The following RALYL variants were observed in gnomAD, a reference collection of about 807,000 sequenced individuals.
RALYL encodes the protein RALY RNA binding protein like.
A neutral mutation model predicts 35.1 loss-of-function variants in RALYL; 29 were observed. That is an observed-to-expected ratio of 0.83 (90% CI 0.61 to 1.13). RALYL has a LOEUF of 1.13. RALYL is among the 50% of genes most tolerant of loss of function. RALYL has a pLI of 0.00. For missense variants in RALYL, 359 were observed against 360.4 expected, an observed-to-expected ratio of 1.00 and a Z score of 0.03; for synonymous variants, 120 against 127.6, an observed-to-expected ratio of 0.94 and a Z score of 0.40.
chr8:84,635,629 G>A (rs1054384816), intron 2 of RALYL, among the ~76,000 whole-genome samples: 1 of 151,762 alleles, frequency 6.6e-6, no homozygotes, highest in Non-Finnish European at 1.5e-5. Context: ...TTCATATGAA[G>A]TGAAATTATG....
chr8:84,273,280 A>G (rs1055722215), intron 1 of RALYL, among the ~76,000 whole-genome samples: 2 of 152,198 alleles, frequency 1.3e-5, no homozygotes, highest in African/African-American at 4.8e-5. Flanking sequence ...TCAACTGCCA[A>G]GCTCACCCAT....
At position 84,202,114 on chromosome 8, in the gene RALYL, A is replaced by G. The variant is rs186632978; in HGVS notation, c.-24+17690A>G. Among the ~76,000 whole-genome samples, 166 of 151,716 alleles carry G rather than the reference A, an allele frequency of 1.1e-3. 1 individual carries two copies. The highest frequency in any genetic ancestry group is 3.4e-3 in the Middle Eastern group (1 of 292). On this transcript the variant is annotated intron_variant, in intron 1 of 8. Transcript: ENST00000521268. ...GCTATTTTGAATAATGAGTATTTCC[A>G]TACACTTTTTGTGGTTATTTTACTG...
intron 6 of RALYL, among the ~76,000 whole-genome samples, chr8:84,863,392 G>A (rs978370032): frequency 2.6e-5 from 4 of 152,172 alleles, no homozygotes; most frequent in Non-Finnish European, 5.9e-5. Context: ...CAACAGAGCC[G>A]AGCCAGAGAG....
intron 2 of RALYL, among the ~76,000 whole-genome samples, chr8:84,735,278 C>T (rs1271997545): frequency 6.6e-6 from 1 of 151,812 alleles, no homozygotes; most frequent in Non-Finnish European, 1.5e-5. Context: ...ACAGTGTCTG[C>T]CACACTGGGC....
At chr8:84,618,438 T>C (rs1219760409) in intron 2 of RALYL, among the ~76,000 whole-genome samples, 5 of 150,866 alleles carry the variant, frequency 3.3e-5, no homozygotes, top group African/African-American at 1.2e-4. Context: ...TTGGTGGTGA[T>C]ATCCCCTTTA....
chr8:84,713,397 A>G (rs2132507283), intron 2 of RALYL, among the ~76,000 whole-genome samples: 1 of 152,182 alleles, frequency 6.6e-6, no homozygotes, highest in African/African-American at 2.4e-5. Context: ...TGAAAAATGG[A>G]CAAAGAATGT....
chr8:84,267,068 A>G (rs915702370), intron 1 of RALYL, among the ~76,000 whole-genome samples: 8 of 151,916 alleles, frequency 5.3e-5, no homozygotes, highest in African/African-American at 1.2e-4. Flanking sequence ...TGAGGACTTA[A>G]GCAGCGGATG....
At chr8:84,231,389 A>G (rs1023233619) in intron 1 of RALYL, among the ~76,000 whole-genome samples, 1 of 152,194 alleles carries the variant, frequency 6.6e-6, no homozygotes, top group Non-Finnish European at 1.5e-5. Flanking sequence ...ATTCACATTA[A>G]TCACATATAA....
At chr8:84,247,292 A>G (rs1434051806) in intron 1 of RALYL, among the ~76,000 whole-genome samples, 1 of 152,140 alleles carries the variant, frequency 6.6e-6, no homozygotes, top group African/African-American at 2.4e-5. Context: ...TTGGACCATT[A>G]GGTTTTTCTT....
intron 1 of RALYL, among the ~76,000 whole-genome samples, chr8:84,321,844 T>G (rs1844888498): frequency 6.6e-6 from 1 of 152,024 alleles, no homozygotes. Flanking sequence ...GTGACAAATA[T>G]GCCATGGTCA....
intron 1 of RALYL, among the ~76,000 whole-genome samples, chr8:84,384,447 G>T (rs985728226): frequency 1.3e-5 from 2 of 151,562 alleles, no homozygotes; most frequent in Non-Finnish European, 3.0e-5. Context: ...TTTAATCAAC[G>T]ACAAATGCAT....
At chr8:84,488,136 C>A (rs7834473) in intron 1 of RALYL, among the ~76,000 whole-genome samples, 2 of 151,872 alleles carry the variant, frequency 1.3e-5, no homozygotes, top group Non-Finnish European at 2.9e-5. Context: ...TTTATAGAGA[C>A]GAATATTTTC....
chr8:84,504,331 TGG>T (rs1262514036), intron 1 of RALYL, among the ~76,000 whole-genome samples: 3 of 152,070 alleles, frequency 2.0e-5, no homozygotes, highest in Non-Finnish European at 2.9e-5. Flanking sequence ...AATACTTTTG[TGG>T]GAATGGGGAA....
At chr8:84,657,372 G>A (rs544015742) in intron 2 of RALYL, among the ~76,000 whole-genome samples, 1 of 152,246 alleles carries the variant, frequency 6.6e-6, no homozygotes, top group African/African-American at 2.4e-5. Flanking sequence ...CAATAGAATT[G>A]CAGTTAAAAG....
chr8:84,711,260 A>G (rs532652749), intron 2 of RALYL, among the ~76,000 whole-genome samples: 1 of 152,346 alleles, frequency 6.6e-6, no homozygotes, highest in East Asian at 1.9e-4. Flanking sequence ...TGAAAAGTCC[A>G]TTTCATTTGT....
At position 84,428,098 on chromosome 8, in the gene RALYL, TCTCTCTCTCA is replaced by T. The variant is rs1223216628; in HGVS notation, c.-23-101199_-23-101190del. 4.0e-3 allele frequency among the ~76,000 whole-genome samples: 549 copies of T among 135,930 alleles called. 3 individuals carry two copies. Among genetic ancestry groups the T allele is most frequent in the African/African-American group, 0.014 (514 of 35,836 alleles). The allele number at this position is 135,930 out of a possible 152,430, so 89.2% of individuals were successfully genotyped here. A position where few individuals can be genotyped will look rare whatever the true frequency, so the allele number is the denominator to read the frequency against. On this transcript the variant is annotated intron_variant, in intron 1 of 8. Coordinates refer to ENST00000521268, the MANE Select transcript of RALYL (RefSeq NM_173848.7). ...CGCTGTCTCTCTCTCTCTCTCTCTCTCTCTCTCTCACACACACACACACACACACACACAC... is the reference window on the plus strand; with the variant it reads ...CGCTGTCTCTCTCTCTCTCTCTCTCTCACACACACACACACACACACACAC...
chr8:84,766,010 C>A (rs1402563057), intron 2 of RALYL, among the ~76,000 whole-genome samples: 1 of 152,072 alleles, frequency 6.6e-6, no homozygotes, highest in Non-Finnish European at 1.5e-5. Context: ...AATGACAGAG[C>A]CAGCAGGGAT....
chr8:84,187,474 C>T (rs1812813301), intron 1 of RALYL, among the ~76,000 whole-genome samples: 1 of 151,852 alleles, frequency 6.6e-6, no homozygotes, highest in African/African-American at 2.4e-5. Context: ...TAACATGCAT[C>T]AAATAGCCAC....
intron 2 of RALYL, among the ~76,000 whole-genome samples, chr8:84,725,198 G>T (rs1844714844): frequency 1.3e-5 from 2 of 151,744 alleles, no homozygotes; most frequent in South Asian, 4.1e-4. Context: ...TGATAGTTTA[G>T]GCAGAGTCTT....
Sources: allele counts gnomAD v4.1 joint callset (sites outside exome capture counted in the v4.1 genomes callset), GRCh38; gene constraint gnomAD v4.1.1; transcripts MANE v1.5; gene names NCBI Gene and HGNC (gene_info 2026-07-23, HGNC 2026-07-21).